CAP2: variants seen among roughly 807,000 people sequenced by gnomAD.
CAP2 encodes the protein adenylyl cyclase-associated protein 2.
A neutral mutation model predicts 57.7 loss-of-function variants in CAP2; 24 were observed. The ratio of observed to expected loss-of-function variants is 0.42; its 90% CI spans 0.30 to 0.58. The LOEUF is 0.58. Ranked by LOEUF, CAP2 falls within the 20% of genes least tolerant of loss-of-function variation. The probability of loss-of-function intolerance (pLI) is 0.22; values close to 1 mark genes in which losing one functional copy is unlikely to be tolerated. For missense variants in CAP2, 501 were observed against 590.3 expected (o/e 0.85, Z 1.57); for synonymous variants, 194 against 207.2 (o/e 0.94, Z 0.55).
chr6:17,428,639 G>T (rs1226757255), intron 3 of CAP2, among the ~76,000 whole-genome samples: 13 of 136,956 alleles, frequency 9.5e-5, no homozygotes, highest in African/African-American at 3.5e-4. Flanking sequence ...TGGGGGGAGG[G>T]GGGAGGGATA....
intron 4 of CAP2, among the ~76,000 whole-genome samples, chr6:17,485,050 T>G (rs1761386562): frequency 6.6e-6 from 1 of 152,178 alleles, no homozygotes; most frequent in African/African-American, 2.4e-5. Flanking sequence ...GAAGGGACAG[T>G]ATTTGTTTTG....
At chr6:17,484,575 A>G (rs1165628233) in intron 4 of CAP2, among the ~76,000 whole-genome samples, 1 of 152,202 alleles carries the variant, frequency 6.6e-6, no homozygotes, top group Non-Finnish European at 1.5e-5. Flanking sequence ...TCTATCTGAC[A>G]TGTTTCCTGG....
intron 7 of CAP2, among the ~76,000 whole-genome samples, chr6:17,539,047 T>C (rs2281815): frequency 0.74 from 112,330 of 152,112 alleles, 41,666 homozygotes; most frequent in African/African-American, 0.78. Flanking sequence ...ATCCTACTGA[T>C]GGGGCCACAC....
At chr6:17,403,277 A>G (rs1040993172) in intron 1 of CAP2, among the ~76,000 whole-genome samples, 3 of 152,066 alleles carry the variant, frequency 2.0e-5, no homozygotes, top group African/African-American at 7.2e-5. Flanking sequence ...AATTTTTTGT[A>G]CTTTTAGTAG....
intron 3 of CAP2, among the ~76,000 whole-genome samples, chr6:17,453,884 C>T (rs1409868737): frequency 1.3e-5 from 2 of 148,532 alleles, no homozygotes; most frequent in Non-Finnish European, 3.0e-5. Flanking sequence ...TGTCCCAGGG[C>T]TCTTTCTCTT....
At chr6:17,422,312 G>GTGTT (rs1306042451) in intron 2 of CAP2, among the ~76,000 whole-genome samples, 1 of 149,396 alleles carries the variant, frequency 6.7e-6, no homozygotes, top group Non-Finnish European at 1.5e-5. Context: ...CTACGTCACG[G>GTGTT]TGTTTTACCT....
At position 17,429,853 on chromosome 6, in the gene CAP2, G is replaced by A. The variant is rs138597877; in HGVS notation, c.222+3163G>A. On this transcript the variant is annotated intron_variant, in intron 3 of 12. Coordinates refer to ENST00000229922, the MANE Select transcript of CAP2 (RefSeq NM_006366.3). ...CCCATGACGTTAATACTTTGAACAT[G>A]CCGTTTATTTTTTCTCTCGCTTACA... Among the ~76,000 whole-genome samples the A allele has an allele frequency of 1.7e-3, 260 of 152,300 alleles. 1 individual carries two copies. Among genetic ancestry groups the A allele is most frequent in the African/African-American group, 6.0e-3 (250 of 41,548 alleles).
chr6:17,545,693 C>T (rs1763026742), intron 11 of CAP2, among the ~76,000 whole-genome samples: 1 of 152,240 alleles, frequency 6.6e-6, no homozygotes, highest in Non-Finnish European at 1.5e-5. Context: ...GCTATCCCTC[C>T]CCCTCCCCCA....
rs539318968 is a variant in CAP2 at position 17,553,301 on chromosome 6, G to C, written c.1350+1697G>C. ...CAACATTGAAATCCACCGGCCTAAA[G>C]GATGAGTGTAAATCAAAACCTGAGC... On this transcript the variant is annotated intron_variant, in intron 12 of 12. Coordinates refer to ENST00000229922, the MANE Select transcript of CAP2 (RefSeq NM_006366.3). Among the ~76,000 whole-genome samples, 4 of 152,252 alleles carry C rather than the reference G, an allele frequency of 2.6e-5. No individual in the cohort carries two copies. The East Asian group carries it at 7.7e-4, about 29-fold the overall frequency.
chr6:17,493,441 C>T (rs570600185), intron 4 of CAP2: 8 of 318,456 alleles, frequency 2.5e-5, no homozygotes, highest in East Asian at 8.9e-5. Flanking sequence ...ATAATTTCAC[C>T]GCCAACCACA....
intron 7 of CAP2, among the ~76,000 whole-genome samples, chr6:17,528,202 T>C (rs1366312634): frequency 6.6e-6 from 1 of 152,244 alleles, no homozygotes; most frequent in African/African-American, 2.4e-5. Flanking sequence ...TAGCCTAGGC[T>C]AAGCCACGAG....
chr6:17,505,306 G>C (rs576261923), intron 4 of CAP2, among the ~76,000 whole-genome samples: 1 of 152,318 alleles, frequency 6.6e-6, no homozygotes, highest in African/African-American at 2.4e-5. Context: ...TTTAGAAGGA[G>C]AGGTAAAGTC....
At chr6:17,524,893 C>CTTTTTTTTTT (rs11325666) in intron 7 of CAP2, among the ~76,000 whole-genome samples, 5 of 109,618 alleles carry the variant, frequency 4.6e-5, no homozygotes, top group Admixed American at 9.8e-5. Context: ...CTTTTCTTTT[C>CTTTTTTTTTT]TTTTTTTTTT....
intron 1 of CAP2, among the ~76,000 whole-genome samples, chr6:17,394,372 G>A (rs1168678250): frequency 6.6e-6 from 1 of 152,110 alleles, no homozygotes; most frequent in African/African-American, 2.4e-5. Context: ...GGGTAGAGGG[G>A]TGTTCGTGGA....
chr6:17,490,962 C>A (rs1761528607), intron 4 of CAP2, among the ~76,000 whole-genome samples: 1 of 152,204 alleles, frequency 6.6e-6, no homozygotes, highest in Admixed American at 6.5e-5. Context: ...CAAGTAAACT[C>A]TTCAGGCTGT....
At chr6:17,424,471 C>G (rs550983800) in intron 2 of CAP2, among the ~76,000 whole-genome samples, 2 of 152,286 alleles carry the variant, frequency 1.3e-5, no homozygotes, top group African/African-American at 4.8e-5. Flanking sequence ...ATCAAAGGAC[C>G]ACTCTATTAT....
chr6:17,433,447 C>T (rs754326152), intron 3 of CAP2, among the ~76,000 whole-genome samples: 1 of 152,194 alleles, frequency 6.6e-6, no homozygotes, highest in East Asian at 1.9e-4. Flanking sequence ...AGAAGCAAGA[C>T]CGCACTGACC....
At chr6:17,460,522 G>A (rs906050472) in intron 3 of CAP2, among the ~76,000 whole-genome samples, 7 of 152,312 alleles carry the variant, frequency 4.6e-5, no homozygotes, top group African/African-American at 1.4e-4. Flanking sequence ...TGGAAAAAGT[G>A]TAAGTACTTA....
At chr6:17,458,291 A>G (rs1237402509) in intron 3 of CAP2, among the ~76,000 whole-genome samples, 1 of 152,220 alleles carries the variant, frequency 6.6e-6, no homozygotes, top group Non-Finnish European at 1.5e-5. Flanking sequence ...ATAAAGAGAA[A>G]GAAGATGGTG....
Sources: allele counts gnomAD v4.1 joint callset (sites outside exome capture counted in the v4.1 genomes callset), GRCh38; gene constraint gnomAD v4.1.1; transcripts MANE v1.5; gene names NCBI Gene and HGNC (gene_info 2026-07-23, HGNC 2026-07-21).